Variants in CYP19A1 observed in about 807,000 individuals in gnomAD.
The protein encoded by CYP19A1 is aromatase.
In CYP19A1, 32 loss-of-function variants were observed where a neutral mutation model predicts 44.4. The ratio of observed to expected loss-of-function variants is 0.72; its 90% CI spans 0.54 to 0.97. CYP19A1 has a LOEUF of 0.97. CYP19A1 is among the 50% of genes least tolerant of loss of function. The pLI is 0.00. For missense variants in CYP19A1, 598 were observed against 637.8 expected (o/e 0.94, Z 0.67); for synonymous variants, 212 against 215.6 (o/e 0.98, Z 0.14).
chr15:51,232,769 C>G (rs533684378), intron 3 of CYP19A1, among the ~76,000 whole-genome samples: 1 of 152,330 alleles, frequency 6.6e-6, no homozygotes, highest in Admixed American at 6.5e-5. Flanking sequence ...ACCATCACCT[C>G]TTGCCTAACT....
intron 1 of CYP19A1, among the ~76,000 whole-genome samples, chr15:51,323,340 G>A (rs546710903): frequency 8.5e-5 from 13 of 152,268 alleles, no homozygotes; most frequent in African/African-American, 3.1e-4. Flanking sequence ...AAGAATTTAA[G>A]TGCAGATGTC....
chr15:51,269,487 CTTT>C (rs937099126), intron 1 of CYP19A1, among the ~76,000 whole-genome samples: 1 of 148,592 alleles, frequency 6.7e-6, no homozygotes, highest in East Asian at 2.0e-4. Flanking sequence ...CAACTTGGTT[CTTT>C]TTTTTTTAAA....
At chr15:51,261,570 T>A (rs1272328170) in intron 1 of CYP19A1, among the ~76,000 whole-genome samples, 3 of 152,130 alleles carry the variant, frequency 2.0e-5, no homozygotes, top group Admixed American at 2.0e-4. Flanking sequence ...AATGTATGGG[T>A]TTTTTAGCCA....
chr15:51,275,794 A>G (rs2035286350), intron 1 of CYP19A1, among the ~76,000 whole-genome samples: 1 of 152,184 alleles, frequency 6.6e-6, no homozygotes, highest in Non-Finnish European at 1.5e-5. Flanking sequence ...TAGTTATTGA[A>G]CAAGTTCCTG....
In CYP19A1 at chr15:51,294,361, C is replaced by G. The variant is rs1453895052; in HGVS notation, c.-39+44134G>C. ...GATGTGAGGAGCGCCTCTGCCCGGC[C>G]GCGACCCCATCTGGGAGGTGAGGAG... On this transcript the variant is annotated intron_variant, in intron 1 of 9. Coordinates refer to ENST00000396402, the MANE Select transcript of CYP19A1 (RefSeq NM_000103.4). Among the ~76,000 whole-genome samples, 153 of 150,188 alleles carry G rather than the reference C, an allele frequency of 1.0e-3. 1 individual carries two copies. Among genetic ancestry groups the G allele is most frequent in the African/African-American group, 3.4e-3 (137 of 40,794 alleles).
intron 1 of CYP19A1, among the ~76,000 whole-genome samples, chr15:51,296,171 T>C (rs1303965562): frequency 2.0e-5 from 3 of 151,646 alleles, no homozygotes; most frequent in Non-Finnish European, 4.4e-5. Context: ...GGCAAGTCAG[T>C]TGGGGGCCAG....
chr15:51,335,826 C>T (rs1020041921), intron 1 of CYP19A1, among the ~76,000 whole-genome samples: 2 of 152,246 alleles, frequency 1.3e-5, no homozygotes, highest in East Asian at 3.8e-4. Context: ...CTCAGCCCTA[C>T]AAGGAAGGTC....
intron 1 of CYP19A1, among the ~76,000 whole-genome samples, chr15:51,267,050 T>C (rs951173106): frequency 6.6e-5 from 10 of 152,216 alleles, no homozygotes; most frequent in Non-Finnish European, 1.3e-4. Flanking sequence ...CTTTCCCTGC[T>C]TCTACCCAGA....
chr15:51,260,851 A>G (rs934902397), intron 1 of CYP19A1, among the ~76,000 whole-genome samples: 1 of 152,164 alleles, frequency 6.6e-6, no homozygotes, highest in Non-Finnish European at 1.5e-5. Context: ...GGTGTGGGCA[A>G]CCCTGTTTGG....
Position 51,210,744 on chromosome 15 carries a change from A to G in CYP19A1, c.*64T>C, listed in dbSNP as rs758395867. On this transcript the variant is annotated 3_prime_UTR_variant, in exon 10 of 10. Coordinates refer to ENST00000396402, the MANE Select transcript of CYP19A1 (RefSeq NM_000103.4). ...TGTGAGGATGACACTATTGGCAAGG[A>G]TGGATGATTTGTATGTGAACTACTG... The G allele has an allele frequency of 7.6e-6, 8 of 1,054,084 alleles. No individual in the cohort carries two copies. Among genetic ancestry groups the G allele is most frequent in the Non-Finnish European group, 7.5e-6 (5 of 667,654 alleles). The allele number at this position is 1,054,084 out of a possible 1,614,324, so 65.3% of individuals were successfully genotyped here. A position where few individuals can be genotyped will look rare whatever the true frequency, so the allele number is the denominator to read the frequency against.
intron 1 of CYP19A1, among the ~76,000 whole-genome samples, chr15:51,311,169 GA>G (rs111998825): frequency 5.4e-5 from 8 of 148,352 alleles, no homozygotes; most frequent in Middle Eastern, 3.5e-3. Context: ...GTTGGAACTG[GA>G]AAAAAAAAAC....
intron 1 of CYP19A1, among the ~76,000 whole-genome samples, chr15:51,286,804 G>A (rs187658247): frequency 1.3e-5 from 2 of 152,252 alleles, no homozygotes. Flanking sequence ...TAAAAGGCAG[G>A]GACCCAAGCA....
chr15:51,331,113 G>A (rs2036693997), intron 1 of CYP19A1, among the ~76,000 whole-genome samples: 6 of 152,240 alleles, frequency 3.9e-5, no homozygotes, highest in Admixed American at 3.3e-4. Flanking sequence ...TAAACCAATC[G>A]GGTGGTAGGA....
At chr15:51,240,939 T>A (rs1186884493) in intron 2 of CYP19A1, among the ~76,000 whole-genome samples, 2 of 152,216 alleles carry the variant, frequency 1.3e-5, no homozygotes, top group Non-Finnish European at 2.9e-5. Context: ...CAGTTTCCCC[T>A]TCTGTCAAAT....
At chr15:51,218,342 G>A (rs753960224) in intron 6 of CYP19A1, 199 bp downstream of exon 6, 1 of 739,134 alleles carries the variant, frequency 1.4e-6, no homozygotes, top group South Asian at 1.9e-5. Flanking sequence ...CCCAGCCAAA[G>A]GCTTCATTTA....
chr15:51,213,741 A>G (rs112876620), intron 8 of CYP19A1, among the ~76,000 whole-genome samples: 1 of 152,150 alleles, frequency 6.6e-6, no homozygotes, highest in African/African-American at 2.4e-5. Context: ...ATGGTATTCA[A>G]TATGTATTAA....
chr15:51,224,857 A>G (rs527493834), intron 4 of CYP19A1, among the ~76,000 whole-genome samples: 1 of 152,334 alleles, frequency 6.6e-6, no homozygotes, highest in East Asian at 1.9e-4. Context: ...TGCACCAGGC[A>G]CAAGGACTTA....
chr15:51,214,234 A>C (rs1417117929), intron 8 of CYP19A1, among the ~76,000 whole-genome samples: 1 of 152,214 alleles, frequency 6.6e-6, no homozygotes, highest in Non-Finnish European at 1.5e-5. Context: ...TATGTGAAGG[A>C]AGTGTCAAAT....
At chr15:51,274,411 G>A (rs917353845) in intron 1 of CYP19A1, among the ~76,000 whole-genome samples, 5 of 152,330 alleles carry the variant, frequency 3.3e-5, no homozygotes, top group Admixed American at 2.0e-4. Flanking sequence ...AAAAGAAATG[G>A]GAGGTTGCCT....
Sources: gnomAD v4.1 joint callset for allele counts (sites outside exome capture counted in the v4.1 genomes callset) on GRCh38, gnomAD v4.1.1 for gene constraint, MANE v1.5 for transcripts, NCBI Gene and HGNC (gene_info 2026-07-23, HGNC 2026-07-21) for gene names.